PPP6R3: variants seen among roughly 807,000 people sequenced by gnomAD.
PPP6R3 encodes the protein protein phosphatase 6 regulatory subunit 3, also known as serine/threonine-protein phosphatase 6 regulatory subunit 3.
A neutral mutation model predicts 110.7 loss-of-function variants in PPP6R3; 38 were observed. The observed-to-expected ratio is 0.34, with a 90% confidence interval of 0.26 to 0.45. The LOEUF (loss-of-function observed/expected upper bound fraction) is 0.45, where lower values mean the gene tolerates loss of function less well. PPP6R3 is among the 20% of genes least tolerant of loss of function. The pLI, the probability that PPP6R3 is intolerant of heterozygous loss-of-function variation, is 1.00. For synonymous variants in PPP6R3, 369 were observed against 373.5 expected (o/e 0.99, Z 0.14); for missense variants, 870 against 1,062.4 (o/e 0.82, Z 2.52).
At chr11:68,506,412 C>T (rs1329525840) in intron 1 of PPP6R3, among the ~76,000 whole-genome samples, 2 of 28,480 alleles carry the variant, frequency 7.0e-5, no homozygotes, top group African/African-American at 2.5e-4. Flanking sequence ...GCCCTTTATA[C>T]TCAAAAAAAA....
chr11:68,499,862 C>T (rs2099039147), intron 1 of PPP6R3, among the ~76,000 whole-genome samples: 2 of 152,180 alleles, frequency 1.3e-5, no homozygotes, highest in Non-Finnish European at 1.5e-5. Context: ...GCAAGAGCCA[C>T]TGTGCCCAGC....
intron 19 of PPP6R3, among the ~76,000 whole-genome samples, chr11:68,597,806 C>CTGT (rs1177221715): frequency 2.1e-5 from 3 of 141,808 alleles, no homozygotes; most frequent in African/African-American, 8.1e-5. Flanking sequence ...GGGTGAAACC[C>CTGT]TGTCTCTACT....
chr11:68,577,423 G>A (rs781388614), intron 14 of PPP6R3, among the ~76,000 whole-genome samples: 3 of 152,142 alleles, frequency 2.0e-5, no homozygotes, highest in Admixed American at 6.5e-5. Flanking sequence ...CTATTGTCTT[G>A]TCTTATAAAG....
At position 68,461,918 on chromosome 11, in the gene PPP6R3, G is replaced by A. The variant is rs534950866; in HGVS notation, c.-158+1091G>A. ...TTCCAACCACCGAACTGTGCCTCAAGTAGCAAGTGTATGAGACCCAGTTAT... is the reference window on the plus strand; with the variant it reads ...TTCCAACCACCGAACTGTGCCTCAAATAGCAAGTGTATGAGACCCAGTTAT... On this transcript the variant is annotated intron_variant, in intron 1 of 23. Coordinates refer to ENST00000393800, the MANE Select transcript of PPP6R3 (RefSeq NM_001164161.2). 1.4e-4 allele frequency among the ~76,000 whole-genome samples: 22 copies of A among 152,330 alleles called. 1 individual carries two copies. Among genetic ancestry groups the A allele is most frequent in the African/African-American group, 5.3e-4 (22 of 41,566 alleles).
intron 14 of PPP6R3, among the ~76,000 whole-genome samples, chr11:68,579,268 C>T (rs946592948): frequency 5.9e-5 from 9 of 152,176 alleles, no homozygotes; most frequent in Non-Finnish European, 8.8e-5. Flanking sequence ...GTCACTAATA[C>T]GGGCCTCAGA....
intron 1 of PPP6R3, among the ~76,000 whole-genome samples, chr11:68,482,212 C>G (rs1252547531): frequency 7.0e-6 from 1 of 143,734 alleles, no homozygotes; most frequent in Non-Finnish European, 1.5e-5. Context: ...ATGGTGAAAC[C>G]CCATCTCTCC....
chr11:68,612,837 G>A, intron 23 of PPP6R3: 1 of 780,522 alleles, frequency 1.3e-6, no homozygotes, highest in Non-Finnish European at 1.9e-6. Flanking sequence ...TTGCTCTGCT[G>A]CTGCCCTTGC....
intron 12 of PPP6R3, among the ~76,000 whole-genome samples, chr11:68,572,858 C>T (rs1327315294): frequency 0.019 from 1 of 54 alleles, no homozygotes; most frequent in Non-Finnish European, 0.036. Context: ...ATAATCAACC[C>T]TGTACTTCTT....
At chr11:68,597,291 G>A (rs1038162972) in intron 19 of PPP6R3, among the ~76,000 whole-genome samples, 13 of 152,186 alleles carry the variant, frequency 8.5e-5, no homozygotes, top group African/African-American at 3.1e-4. Context: ...GGACCCGTAG[G>A]GATTTGCCCG....
intron 1 of PPP6R3, among the ~76,000 whole-genome samples, chr11:68,464,850 G>GC (rs2098734456): frequency 6.6e-6 from 1 of 151,178 alleles, no homozygotes; most frequent in African/African-American, 2.4e-5. Context: ...TTGTCAGTCA[G>GC]TGGTCAGGTC....
chr11:68,600,283 T>G (rs2099627802), intron 19 of PPP6R3, 58 bp from the exon 20 acceptor site: 12 of 1,538,072 alleles, frequency 7.8e-6, no homozygotes, highest in Admixed American at 3.4e-5. Context: ...GATAAATACC[T>G]TGTGGTACAT....
At chr11:68,608,070 A>G (rs565895582) in intron 22 of PPP6R3, among the ~76,000 whole-genome samples, 5 of 151,734 alleles carry the variant, frequency 3.3e-5, no homozygotes, top group South Asian at 2.1e-4. Context: ...AACAGAAACT[A>G]TAATGCAAAG....
At position 68,606,280 on chromosome 11, in the gene PPP6R3, TTCC is replaced by T. The variant is rs758897045; in HGVS notation, c.2450+2794_2450+2796del. On this transcript the variant is annotated intron_variant, in intron 22 of 23. Coordinates refer to ENST00000393800, the MANE Select transcript of PPP6R3 (RefSeq NM_001164161.2). ...ACAGAAGTGAATTTATTTTTCTTCT[TTCC>T]TCCTCTTCCTCCTCCCTCCTTCCTC... 3.3e-5 allele frequency among the ~76,000 whole-genome samples: 5 copies of T among 151,142 alleles called. No individual in the cohort carries two copies. In the East Asian group the frequency reaches 5.8e-4, roughly 17 times the overall value.
chr11:68,590,246 G>A (rs2099591104), intron 16 of PPP6R3, among the ~76,000 whole-genome samples: 3 of 152,180 alleles, frequency 2.0e-5, no homozygotes, highest in African/African-American at 4.8e-5. Context: ...TATGTATTTT[G>A]TGTATGAGTT....
intron 19 of PPP6R3, among the ~76,000 whole-genome samples, chr11:68,596,528 G>A (rs2099614390): frequency 1.3e-5 from 2 of 152,226 alleles, no homozygotes; most frequent in South Asian, 4.1e-4. Context: ...GTGTGCTCTT[G>A]CAGAAGGAAA....
chr11:68,467,355 A>G (rs552409608), intron 1 of PPP6R3, among the ~76,000 whole-genome samples: 4 of 152,358 alleles, frequency 2.6e-5, no homozygotes, highest in African/African-American at 7.2e-5. Context: ...GAGATTGACT[A>G]CCGTGAAATC....
At chr11:68,548,345 G>A (rs1592940279) in intron 5 of PPP6R3, 141 bp downstream of exon 5, 4 of 1,129,116 alleles carry the variant, frequency 3.5e-6, no homozygotes, top group South Asian at 1.7e-5. Flanking sequence ...ACAGGGTGGG[G>A]AAGAAAGGTT....
chr11:68,542,389 G>GTTTTGTTTTTTTTTTTTTTT (rs1555132285), intron 3 of PPP6R3, among the ~76,000 whole-genome samples: 22 of 40,188 alleles, frequency 5.5e-4, no homozygotes, highest in South Asian at 1.8e-3. Context: ...AGAAGCTGCT[G>GTTTTGTTTTTTTTTTTTTTT]TTTTTTTTTT....
At position 68,602,094 on chromosome 11, in the gene PPP6R3, G is replaced by A. The variant is rs956020906; in HGVS notation, c.2299+125G>A. The A allele has an allele frequency of 1.4e-5, 9 of 665,788 alleles. No individual in the cohort carries two copies. In the African/African-American group the frequency reaches 1.6e-4, roughly 12 times the overall value. 41.2% of individuals were successfully genotyped at this position (665,788 alleles called of 1,614,324 possible). On this transcript the variant is annotated intron_variant, in intron 21 of 23. Transcript: ENST00000393800. Reference sequence around the variant, plus strand: ...AGATGGTGGGTCTGATGTCCACAGGGCAGCTGATGAAAGAAATTGTGCCTG... The same window carrying A: ...AGATGGTGGGTCTGATGTCCACAGGACAGCTGATGAAAGAAATTGTGCCTG...
Sources: gnomAD v4.1 joint callset for allele counts (sites outside exome capture counted in the v4.1 genomes callset) on GRCh38, gnomAD v4.1.1 for gene constraint, MANE v1.5 for transcripts, NCBI Gene and HGNC (gene_info 2026-07-23, HGNC 2026-07-21) for gene names.